The following ZNF532 variants were observed in gnomAD, a reference collection of about 807,000 sequenced individuals.
ZNF532 encodes the protein zinc finger protein 532.
A neutral mutation model predicts 89.3 loss-of-function variants in ZNF532; 22 were observed. That is an observed-to-expected ratio of 0.25 (90% confidence interval 0.18 to 0.35). The LOEUF (loss-of-function observed/expected upper bound fraction) is 0.35, where lower values mean the gene tolerates loss of function less well. Ranked by LOEUF, ZNF532 falls within the 10% of genes least tolerant of loss-of-function variation. The probability of loss-of-function intolerance (pLI) is 1.00; values close to 1 mark genes in which losing one functional copy is unlikely to be tolerated. For synonymous variants in ZNF532, 606 were observed against 649.6 expected (o/e 0.93, Z 1.02); for missense variants, 1,132 against 1,643.4 (o/e 0.69, Z 5.38).
At chr18:58,942,659 C>T (rs182770347) in intron 5 of ZNF532, among the ~76,000 whole-genome samples, 1 of 152,114 alleles carries the variant, frequency 6.6e-6, no homozygotes, top group African/African-American at 2.4e-5. Context: ...TCCCTCACCC[C>T]CTTTTCCAAT....
At chr18:58,895,857 CT>C (rs145464064) in intron 2 of ZNF532, among the ~76,000 whole-genome samples, 1,723 of 143,778 alleles carry the variant, frequency 0.012, 21 homozygotes, top group Middle Eastern at 0.046. Flanking sequence ...TTCTTTCTTT[CT>C]TTTTTTTTTT....
chr18:58,943,234 A>C (rs1414725144), intron 5 of ZNF532, among the ~76,000 whole-genome samples: 3 of 138,904 alleles, frequency 2.2e-5, no homozygotes, highest in Non-Finnish European at 4.5e-5. Flanking sequence ...ATCTCTGCTC[A>C]CTGCAACCTC....
chr18:58,913,033 A>T (rs2060377679), intron 2 of ZNF532, among the ~76,000 whole-genome samples: 1 of 152,234 alleles, frequency 6.6e-6, no homozygotes. Flanking sequence ...GGTGTTTGGA[A>T]TGGAAATGCA....
chr18:58,941,950 T>TCCTCCCTCCCTCTCTC (rs1555739515), intron 5 of ZNF532, among the ~76,000 whole-genome samples: 5 of 135,196 alleles, frequency 3.7e-5, no homozygotes, highest in Non-Finnish European at 8.3e-5. Flanking sequence ...TTCTTTCCTT[T>TCCTCCCTCCCTCTCTC]CCTCCCTCCC....
At chr18:58,928,585 C>A (rs1374715446) in intron 3 of ZNF532, among the ~76,000 whole-genome samples, 1 of 152,204 alleles carries the variant, frequency 6.6e-6, no homozygotes, top group Non-Finnish European at 1.5e-5. Context: ...GGTTAGACTG[C>A]CTGCGTGCAT....
intron 4 of ZNF532, among the ~76,000 whole-genome samples, chr18:58,936,999 C>G (rs1373747404): frequency 6.6e-6 from 1 of 152,082 alleles, no homozygotes; most frequent in Non-Finnish European, 1.5e-5. Flanking sequence ...ATTACATCTC[C>G]CAAATACTGA....
chr18:58,936,002 C>G (rs1378056023), intron 4 of ZNF532, among the ~76,000 whole-genome samples: 1 of 152,196 alleles, frequency 6.6e-6, no homozygotes, highest in East Asian at 1.9e-4. Context: ...GACTTAACTT[C>G]ACATTTTATC....
At chr18:58,888,717 A>AT (rs2058502884) in intron 2 of ZNF532, among the ~76,000 whole-genome samples, 1 of 49,520 alleles carries the variant, frequency 2.0e-5, no homozygotes, top group Non-Finnish European at 3.2e-5. Context: ...ATATATATAT[A>AT]TATATATAAA....
At chr18:58,963,603 ATG>A (rs60644289) in intron 7 of ZNF532, among the ~76,000 whole-genome samples, 22,625 of 143,566 alleles carry the variant, frequency 0.16, 1,714 homozygotes, top group Admixed American at 0.17. Context: ...AAAGAAAAAA[ATG>A]TGTGTGTGTG....
chr18:58,953,214 C>T (rs374367202), intron 6 of ZNF532: 1 of 215,426 alleles, frequency 4.6e-6, no homozygotes, highest in African/African-American at 2.3e-5. Context: ...TGGGATGTTA[C>T]AGGAAGATAA....
At chr18:58,975,703 T>C (rs560608838) in intron 7 of ZNF532, among the ~76,000 whole-genome samples, 30 of 152,362 alleles carry the variant, frequency 2.0e-4, no homozygotes, top group African/African-American at 7.2e-4. Flanking sequence ...TTAGGAAGTG[T>C]ACCCAAGTGT....
intron 2 of ZNF532, among the ~76,000 whole-genome samples, chr18:58,883,760 T>C (rs894336219): frequency 3.9e-5 from 6 of 152,180 alleles, no homozygotes; most frequent in African/African-American, 1.2e-4. Context: ...CTACCCACTA[T>C]ATGCCAATAG....
At chr18:58,897,702 C>T (rs1384825080) in intron 2 of ZNF532, among the ~76,000 whole-genome samples, 1 of 152,180 alleles carries the variant, frequency 6.6e-6, no homozygotes, top group African/African-American at 2.4e-5. Context: ...CCTGTAATCC[C>T]AGCACTTAGG....
chr18:58,930,824 G>A (rs976336807), intron 3 of ZNF532, among the ~76,000 whole-genome samples: 12 of 152,006 alleles, frequency 7.9e-5, no homozygotes, highest in Non-Finnish European at 2.9e-5. Context: ...ACCTAATAGT[G>A]TAAATATAAA....
intron 3 of ZNF532, among the ~76,000 whole-genome samples, chr18:58,922,825 T>C (rs1280802213): frequency 1.3e-5 from 2 of 152,200 alleles, no homozygotes; most frequent in African/African-American, 4.8e-5. Context: ...TGTGTCTGTC[T>C]GAGACCTCCT....
At chr18:58,883,752 ACC>A (rs147628013) in intron 2 of ZNF532, among the ~76,000 whole-genome samples, 4,363 of 152,202 alleles carry the variant, frequency 0.029, 216 homozygotes, top group African/African-American at 0.099. Context: ...CTTGACCTCT[ACC>A]CACTATATGC....
chr18:58,892,920 A>G (rs1015116116), intron 2 of ZNF532, among the ~76,000 whole-genome samples: 3 of 152,032 alleles, frequency 2.0e-5, no homozygotes, highest in African/African-American at 7.3e-5. Context: ...ATGCTTGTCA[A>G]TTAACTGAGA....
chr18:58,942,780 CTAAA>C (rs1253074953), intron 5 of ZNF532, among the ~76,000 whole-genome samples: 2 of 152,192 alleles, frequency 1.3e-5, no homozygotes, highest in East Asian at 1.9e-4. Flanking sequence ...TCCAAAATGA[CTAAA>C]TAGTCCCAGC....
chr18:58,884,979 G>GTTTTTTTT (rs34689408), intron 2 of ZNF532, among the ~76,000 whole-genome samples: 7 of 138,106 alleles, frequency 5.1e-5, no homozygotes, highest in Non-Finnish European at 6.3e-5. Context: ...CAGTACAAGG[G>GTTTTTTTT]TTTTTTTTTT....
Sources: allele counts gnomAD v4.1 joint callset (sites outside exome capture counted in the v4.1 genomes callset), GRCh38; gene constraint gnomAD v4.1.1; transcripts MANE v1.5; gene names NCBI Gene and HGNC (gene_info 2026-07-23, HGNC 2026-07-21).